The following ZC4H2 variants were observed in gnomAD, a reference collection of about 807,000 sequenced individuals.
ZC4H2 encodes the protein zinc finger C4H2-type containing.
For synonymous variants in ZC4H2, 84 were observed against 66.3 expected (o/e 1.27, Z -1.30); for missense variants, 137 against 173.9 (o/e 0.79, Z 1.19).
intron 4 of ZC4H2, chrX:64,918,141 C>T (rs1435495940): frequency 3.4e-6 from 1 of 295,054 alleles, no homozygotes; most frequent in Non-Finnish European, 5.9e-6. Context: ...ATGAGAACTA[C>T]ACATCTTTTC....
At chrX:64,927,544 G>C (rs1929484401) in intron 1 of ZC4H2, among the ~76,000 whole-genome samples, 2 of 112,017 alleles carry the variant, frequency 1.8e-5, no homozygotes, top group Admixed American at 1.9e-4. Context: ...ATGGGCATTT[G>C]GGTTGGTTCC....
At chrX:64,965,134 C>A (rs1042233727) in intron 1 of ZC4H2, among the ~76,000 whole-genome samples, 1 of 111,774 alleles carries the variant, frequency 8.9e-6, no homozygotes, top group South Asian at 3.7e-4. Flanking sequence ...CCAACAAAAT[C>A]CTATTAAAAT....
intron 1 of ZC4H2, among the ~76,000 whole-genome samples, chrX:64,926,486 A>G (rs1431382980): frequency 4.5e-5 from 5 of 112,032 alleles, no homozygotes; most frequent in African/African-American, 1.6e-4. Flanking sequence ...TCCAGAGTGT[A>G]TCATTTCACA....
chrX:64,928,682 T>TTCTTCTTCTTCC (rs1331300174), intron 1 of ZC4H2, among the ~76,000 whole-genome samples: 2 of 91,969 alleles, frequency 2.2e-5, no homozygotes, highest in African/African-American at 3.8e-5. Flanking sequence ...CTTCTTCTTC[T>TTCTTCTTCTTCC]TCCTCCTCCT....
At chrX:65,008,342 G>A (rs1932701742) in intron 1 of ZC4H2, among the ~76,000 whole-genome samples, 1 of 111,922 alleles carries the variant, frequency 8.9e-6, no homozygotes, top group South Asian at 3.7e-4. Context: ...GAAGAAAGGA[G>A]AACCCCTGTA....
chrX:64,996,195 G>A (rs1932410938), intron 1 of ZC4H2, among the ~76,000 whole-genome samples: 1 of 111,619 alleles, frequency 9.0e-6, no homozygotes, highest in Admixed American at 9.5e-5. Context: ...TGAATTTTTT[G>A]TTTGTTTGTT....
chrX:64,981,430 G>C (rs1932079122), upstream of ZC4H2, among the ~76,000 whole-genome samples: 1 of 111,124 alleles, frequency 9.0e-6, no homozygotes, highest in Non-Finnish European at 1.9e-5. Flanking sequence ...AGTAGTAATA[G>C]TAGATATGAA....
chrX:65,025,802 C>T lies in ZC4H2; in HGVS notation c.-272+8827G>A, dbSNP rs746989043. ...ACCAGCTGCAACTCTGATTACTAAA[C>T]ATAGGATGCTGCACAAAATATTTTC... is the stretch of plus-strand genomic sequence containing the variant. On this transcript the variant is annotated intron_variant, in intron 1 of 4. Transcript: ENST00000337990. 3.2e-4 allele frequency among the ~76,000 whole-genome samples: 36 copies of T among 112,171 alleles called. 1 individual carries two copies. Among genetic ancestry groups the T allele is most frequent in the Admixed American group, 9.4e-5 (1 of 10,589 alleles).
At chrX:64,931,030 T>C (rs1389667270) in intron 1 of ZC4H2, among the ~76,000 whole-genome samples, 1 of 112,172 alleles carries the variant, frequency 8.9e-6, no homozygotes, top group Non-Finnish European at 1.9e-5. Context: ...ACAGTTTCAA[T>C]CTTGCTTTTT....
intron 1 of ZC4H2, among the ~76,000 whole-genome samples, chrX:64,986,766 G>A (rs1932193568): frequency 9.0e-6 from 1 of 110,731 alleles, no homozygotes; most frequent in Non-Finnish European, 1.9e-5. Flanking sequence ...AGGACCTGGT[G>A]ACCTGGACAG....
chrX:64,928,558 T>G (rs1165439668), intron 1 of ZC4H2, among the ~76,000 whole-genome samples: 3 of 110,969 alleles, frequency 2.7e-5, no homozygotes, highest in Non-Finnish European at 5.7e-5. Flanking sequence ...GTTAAGCGGG[T>G]TTTTCATATG....
At chrX:64,918,870 C>T (rs757694243) in intron 4 of ZC4H2, 172 bp downstream of exon 4, 1 of 508,261 alleles carries the variant, frequency 2.0e-6, no homozygotes, top group Non-Finnish European at 2.9e-6. Flanking sequence ...AAAACCTGTG[C>T]TGTGTGTGTC....
chrX:65,022,871 G>A (rs185527408), intron 1 of ZC4H2, among the ~76,000 whole-genome samples: 9 of 111,951 alleles, frequency 8.0e-5, no homozygotes, highest in Admixed American at 6.6e-4. Flanking sequence ...GCCAAACTGC[G>A]CAAGGTAATC....
intron 1 of ZC4H2, among the ~76,000 whole-genome samples, chrX:65,002,618 AG>A (rs1374369709): frequency 8.9e-6 from 1 of 111,808 alleles, no homozygotes; most frequent in African/African-American, 3.3e-5. Context: ...TGAATAGAAA[AG>A]GGGGAAATGT....
At chrX:65,009,556 T>C (rs1035153359) in intron 1 of ZC4H2, among the ~76,000 whole-genome samples, 1 of 112,107 alleles carries the variant, frequency 8.9e-6, no homozygotes, top group Non-Finnish European at 1.9e-5. Flanking sequence ...AGAGATAGTG[T>C]CTTCATTCAG....
At chrX:64,922,162 G>A in intron 1 of ZC4H2, 174 bp from the exon 2 acceptor site, 1 of 1,049,186 alleles carries the variant, frequency 9.5e-7, no homozygotes, top group Non-Finnish European at 1.2e-6. Context: ...AGTAATCTCA[G>A]CAATTTGGAA....
chrX:64,952,771 C>G (rs1411311913), intron 1 of ZC4H2, among the ~76,000 whole-genome samples: 1 of 110,146 alleles, frequency 9.1e-6, no homozygotes, highest in Non-Finnish European at 1.9e-5. Context: ...TCAATGTCAT[C>G]CCCATCAAGT....
intron 1 of ZC4H2, among the ~76,000 whole-genome samples, chrX:64,992,273 G>T (rs750424563): frequency 1.8e-5 from 2 of 111,379 alleles, no homozygotes; most frequent in East Asian, 5.6e-4. Context: ...CAGAGCAAAT[G>T]AGCATTCTTG....
intron 1 of ZC4H2, among the ~76,000 whole-genome samples, chrX:64,927,865 T>C (rs1929500522): frequency 8.9e-6 from 1 of 112,731 alleles, no homozygotes; most frequent in Non-Finnish European, 1.9e-5. Flanking sequence ...CGATTTGGAT[T>C]TCTCTAATGA....
Sources: allele counts gnomAD v4.1 joint callset (sites outside exome capture counted in the v4.1 genomes callset), GRCh38; gene constraint gnomAD v4.1.1; transcripts MANE v1.5; gene names NCBI Gene and HGNC (gene_info 2026-07-23, HGNC 2026-07-21).